Variants in ALG9 observed in about 807,000 individuals in gnomAD.
ALG9 encodes the protein ALG9 alpha-1,2-mannosyltransferase, also known as alpha-1,2-mannosyltransferase ALG9.
In ALG9, 55 loss-of-function variants were observed where a neutral mutation model predicts 81.8. That is an observed-to-expected ratio of 0.67 (90% CI 0.54 to 0.84). The LOEUF (loss-of-function observed/expected upper bound fraction) is 0.84. Among genes scored for constraint, ALG9 ranks in the 40% least tolerant of loss-of-function variants. The pLI is 0.00. For synonymous variants in ALG9, 278 were observed against 274.3 expected (o/e 1.01, Z -0.13); for missense variants, 629 against 745.0 (o/e 0.84, Z 1.81).
At chr11:111,854,681 C>A (rs575532282) in intron 6 of ALG9, among the ~76,000 whole-genome samples, 1 of 152,162 alleles carries the variant, frequency 6.6e-6, no homozygotes, top group Non-Finnish European at 1.5e-5. Context: ...ATGTAAATTC[C>A]GTATAACATT....
At chr11:111,824,602 T>C (rs1403022229) in intron 13 of ALG9, among the ~76,000 whole-genome samples, 2 of 152,358 alleles carry the variant, frequency 1.3e-5, no homozygotes, top group Non-Finnish European at 1.5e-5. Context: ...TTTTCAATTA[T>C]CCAGAGTTGG....
At chr11:111,816,597 C>A (rs1269117224) in intron 13 of ALG9, among the ~76,000 whole-genome samples, 1 of 151,380 alleles carries the variant, frequency 6.6e-6, no homozygotes, top group Non-Finnish European at 1.5e-5. Flanking sequence ...CAATCTGTTG[C>A]CCAAGCTGGA....
downstream of ALG9, among the ~76,000 whole-genome samples, chr11:111,780,680 A>T (rs1555056599): frequency 1.3e-5 from 2 of 152,188 alleles, no homozygotes; most frequent in African/African-American, 4.8e-5. Context: ...TACAAGCATG[A>T]GCCACCATGT....
At chr11:111,840,910 G>A in intron 9 of ALG9, 101 bp from the exon 10 acceptor site, 1 of 1,363,792 alleles carries the variant, frequency 7.3e-7, no homozygotes, top group East Asian at 2.3e-5. Context: ...GTATGCCCTA[G>A]GACACTCCAT....
intron 13 of ALG9, among the ~76,000 whole-genome samples, chr11:111,811,823 T>C (rs1950756287): frequency 1.3e-5 from 2 of 152,120 alleles, no homozygotes; most frequent in South Asian, 2.1e-4. Flanking sequence ...AAACAGAGGT[T>C]ACTATGAACT....
chr11:111,814,685 A>C (rs117550364), intron 13 of ALG9: 1 of 152,202 alleles, frequency 6.6e-6, no homozygotes, highest in Non-Finnish European at 1.5e-5. Context: ...AAAAGACTTC[A>C]GTCTCACATC....
At chr11:111,827,353 G>C (rs572414753) in intron 13 of ALG9, among the ~76,000 whole-genome samples, 1 of 152,254 alleles carries the variant, frequency 6.6e-6, no homozygotes, top group East Asian at 1.9e-4. Flanking sequence ...GCGCATGCCT[G>C]TAATCCCAGC....
At chr11:111,836,392 T>C in intron 12 of ALG9, 98 bp from the exon 13 acceptor site, 1 of 1,499,726 alleles carries the variant, frequency 6.7e-7, no homozygotes, top group Non-Finnish European at 9.1e-7. Flanking sequence ...GAAAAACATT[T>C]CTCTTGAAGA....
At chr11:111,797,368 C>A (rs1948453485) in intron 14 of ALG9, among the ~76,000 whole-genome samples, 1 of 152,174 alleles carries the variant, frequency 6.6e-6, no homozygotes, top group African/African-American at 2.4e-5. Flanking sequence ...GGCTGACAGC[C>A]CCAGCTGAGA....
At chr11:111,805,370 T>G in intron 14 of ALG9, 2 of 454,792 alleles carry the variant, frequency 4.4e-6, no homozygotes, top group Admixed American at 4.7e-5. Context: ...TCATTTGTTA[T>G]AGCAGTCTGA....
chr11:111,794,395 C>A (rs1947921975), intron 14 of ALG9, among the ~76,000 whole-genome samples: 1 of 152,178 alleles, frequency 6.6e-6, no homozygotes, highest in Non-Finnish European at 1.5e-5. Context: ...GTGATCCTCC[C>A]TGATCTGTCT....
At chr11:111,843,460 TGA>T (rs1956521050) in intron 9 of ALG9, among the ~76,000 whole-genome samples, 1 of 152,170 alleles carries the variant, frequency 6.6e-6, no homozygotes, top group Non-Finnish European at 1.5e-5. Flanking sequence ...ATGGCTACGT[TGA>T]AACAAAAGTC....
chr11:111,791,936 A>C (rs1555070775), intron 14 of ALG9, among the ~76,000 whole-genome samples: 1 of 152,218 alleles, frequency 6.6e-6, no homozygotes, highest in Non-Finnish European at 1.5e-5. Context: ...ATACAAAATT[A>C]GTTGGCTGTG....
chr11:111,871,048 G>C, intron 1 of ALG9: 1 of 1,121,948 alleles, frequency 8.9e-7, no homozygotes, highest in Non-Finnish European at 1.1e-6. Context: ...GCCGTAAAAG[G>C]TATACTCTTT....
intron 10 of ALG9, 42 bp from the exon 11 acceptor site, chr11:111,838,441 A>G: frequency 6.5e-7 from 1 of 1,540,672 alleles, no homozygotes; most frequent in East Asian, 2.3e-5. Flanking sequence ...ACATAATTAC[A>G]AGACATCACA....
chr11:111,806,843 C>A (rs537537596), intron 14 of ALG9, among the ~76,000 whole-genome samples: 1 of 152,246 alleles, frequency 6.6e-6, no homozygotes, highest in East Asian at 1.9e-4. Flanking sequence ...CTCACTCTAC[C>A]CCTAAAACTG....
chr11:111,812,915 CAAAAAAAA>C (rs57311061), intron 13 of ALG9, among the ~76,000 whole-genome samples: 3 of 98,766 alleles, frequency 3.0e-5, no homozygotes, highest in Non-Finnish European at 5.6e-5. Context: ...GACTCTGTCT[CAAAAAAAA>C]AAAAAAAAAA....
intron 14 of ALG9, among the ~76,000 whole-genome samples, chr11:111,804,663 A>T (rs1029003473): frequency 6.6e-6 from 1 of 152,176 alleles, no homozygotes; most frequent in Non-Finnish European, 1.5e-5. Context: ...CTTAACAAAC[A>T]CCTCACTGAA....
At chr11:111,816,919 C>G (rs569473259) in intron 13 of ALG9, among the ~76,000 whole-genome samples, 124 of 152,162 alleles carry the variant, frequency 8.1e-4, no homozygotes, top group Non-Finnish European at 1.6e-3. Context: ...ATATGAAATG[C>G]AGAAAGTGTT....
Sources: allele counts gnomAD v4.1 joint callset (sites outside exome capture counted in the v4.1 genomes callset), GRCh38; gene constraint gnomAD v4.1.1; transcripts MANE v1.5; gene names NCBI Gene and HGNC (gene_info 2026-07-23, HGNC 2026-07-21).